ACOT1: variants seen among roughly 807,000 people sequenced by gnomAD.
ACOT1 encodes acyl-CoA thioesterase 1.
ACOT1 carries 8 observed loss-of-function variants against 15.7 expected under a neutral mutation model. That is an observed-to-expected ratio of 0.51 (90% CI 0.30 to 0.92). The LOEUF is 0.92. ACOT1 is among the 40% of genes least tolerant of loss of function. The pLI is 0.06. For missense variants in ACOT1, 151 were observed against 539.4 expected (o/e 0.28, Z 7.13); for synonymous variants, 67 against 241.2 (o/e 0.28, Z 6.69).
chr14:73,532,594 G>C (rs1394779907), upstream of ACOT1, among the ~76,000 whole-genome samples: 2 of 115,232 alleles, frequency 1.7e-5, no homozygotes, highest in Admixed American at 9.8e-5. Flanking sequence ...TTTAGCACTT[G>C]GGCTCAAGCT....
chr14:73,502,406 C>G, the ACOT1 span, among the ~76,000 whole-genome samples: 1 of 152,160 alleles, frequency 6.6e-6, no homozygotes, highest in African/African-American at 2.4e-5. Flanking sequence ...AAACCATTGC[C>G]TCACACCTAC....
chr14:73,501,017 C>T, the ACOT1 span, among the ~76,000 whole-genome samples: 1 of 152,244 alleles, frequency 6.6e-6, no homozygotes, highest in African/African-American at 2.4e-5. Flanking sequence ...GTCAAGTTCT[C>T]TTCTCCATTG....
At chr14:73,496,719 C>T in the ACOT1 span, 1 of 1,139,888 alleles carries the variant, frequency 8.8e-7, no homozygotes, top group South Asian at 1.3e-5. Flanking sequence ...TTCTACCCTG[C>T]CCTTTAAAAA....
chr14:73,503,099 T>G, the ACOT1 span: 1 of 1,036,220 alleles, frequency 9.7e-7, no homozygotes, highest in Non-Finnish European at 1.5e-6. Context: ...CTTCTTTTTT[T>G]ACTCATCACT....
the ACOT1 span, among the ~76,000 whole-genome samples, chr14:73,515,552 C>T: frequency 1.3e-5 from 2 of 150,928 alleles, no homozygotes; most frequent in East Asian, 1.9e-4. Context: ...TGGTGGTGGG[C>T]GCCTGTAATC....
chr14:73,507,417 T>G, the ACOT1 span, among the ~76,000 whole-genome samples: 2 of 152,128 alleles, frequency 1.3e-5, no homozygotes, highest in Non-Finnish European at 2.9e-5. Flanking sequence ...CCGGCTGCAT[T>G]TTATCTAATT....
chr14:73,498,415 G>A, the ACOT1 span: 1 of 1,386,042 alleles, frequency 7.2e-7, no homozygotes, highest in East Asian at 2.5e-5. Context: ...GAAATAAATT[G>A]AGTTTTGCAA....
At chr14:73,502,763 G>A in the ACOT1 span, 7 of 701,094 alleles carry the variant, frequency 1.0e-5, no homozygotes, top group Admixed American at 1.5e-4. Flanking sequence ...TAGCCAGGAT[G>A]GTCTCGATCT....
the ACOT1 span, chr14:73,492,993 T>G: frequency 1.3e-6 from 2 of 1,553,630 alleles, no homozygotes; most frequent in Non-Finnish European, 1.7e-6. The surrounding 1 kb of genome is among the most constrained non-coding windows in gnomAD (Gnocchi z 4.9). Flanking sequence ...CCGCTGCCAC[T>G]GCTACCTTTT....
At chr14:73,530,083 G>A in the ACOT1 span, 1 of 132,414 alleles carries the variant, frequency 7.6e-6, no homozygotes, top group Non-Finnish European at 1.6e-5. Context: ...CTGCCTCAGC[G>A]TCCCCAGTAG....
chr14:73,508,751 CAAAA>C, the ACOT1 span, among the ~76,000 whole-genome samples: 41 of 57,878 alleles, frequency 7.1e-4, no homozygotes, highest in East Asian at 5.8e-4. Flanking sequence ...AACTCTGTCT[CAAAA>C]AAAAAAAAAA....
the ACOT1 span, among the ~76,000 whole-genome samples, chr14:73,517,960 C>T: frequency 6.6e-6 from 1 of 151,760 alleles, no homozygotes; most frequent in South Asian, 2.1e-4. Flanking sequence ...GTGGCGCGCA[C>T]CTGTAGTCCC....
chr14:73,512,160 G>A, the ACOT1 span: 2 of 1,614,024 alleles, frequency 1.2e-6, no homozygotes, highest in Admixed American at 1.7e-5. Context: ...CTGAGCCGCA[G>A]TGAGGGAAAT....
At chr14:73,500,649 C>T in the ACOT1 span, 1 of 1,614,214 alleles carries the variant, frequency 6.2e-7, no homozygotes, top group Non-Finnish European at 8.5e-7. Context: ...TTGGGAGAAG[C>T]TTGGCGGTCA....
At chr14:73,506,038 G>A in the ACOT1 span, among the ~76,000 whole-genome samples, 5 of 151,702 alleles carry the variant, frequency 3.3e-5, no homozygotes, top group Admixed American at 1.3e-4. Flanking sequence ...TTATAGGCGC[G>A]TGCCACCACA....
chr14:73,492,012 C>G, the ACOT1 span: 3 of 1,614,018 alleles, frequency 1.9e-6, no homozygotes, highest in South Asian at 2.2e-5. This position sits in a 1 kb window ranked among gnomAD's most constrained non-coding sequence, Gnocchi z 4.9. Context: ...CTCACGCCCC[C>G]TAACTCGCAG....
At chr14:73,491,958 T>C in the ACOT1 span, 3 of 1,613,946 alleles carry the variant, frequency 1.9e-6, no homozygotes, top group Non-Finnish European at 2.5e-6. Flanking sequence ...TTTTTGGCTG[T>C]GCTTCAAGAG....
chr14:73,495,427 C>T, the ACOT1 span: 1 of 1,540,300 alleles, frequency 6.5e-7, no homozygotes, highest in Non-Finnish European at 8.9e-7. Flanking sequence ...CAAAACAAAA[C>T]ACCTGTACTA....
chr14:73,512,549 T>C, the ACOT1 span, among the ~76,000 whole-genome samples: 2 of 152,162 alleles, frequency 1.3e-5, no homozygotes, highest in Non-Finnish European at 2.9e-5. Context: ...AGATTTCTTA[T>C]TTGTAATACA....
Sources: gnomAD v4.1 joint callset for allele counts (sites outside exome capture counted in the v4.1 genomes callset) on GRCh38, gnomAD v4.1.1 for gene constraint, Gnocchi (gnomAD v3.1) non-coding constraint, MANE v1.5 for transcripts, NCBI Gene and HGNC (gene_info 2026-07-23, HGNC 2026-07-21) for gene names.